PPP2R5E: variants seen among roughly 807,000 people sequenced by gnomAD.
The protein encoded by PPP2R5E is protein phosphatase 2 regulatory subunit B'epsilon, also known as serine/threonine-protein phosphatase 2A 56 kDa regulatory subunit epsilon isoform.
A neutral mutation model predicts 65.3 loss-of-function variants in PPP2R5E; 4 were observed. That is an observed-to-expected ratio of 0.06 (90% CI 0.03 to 0.14). The LOEUF (loss-of-function observed/expected upper bound fraction) is 0.14, where lower values mean the gene tolerates loss of function less well. PPP2R5E is among the 10% of genes least tolerant of loss of function. PPP2R5E has a pLI of 1.00. For synonymous variants in PPP2R5E, 183 were observed against 187.4 expected (o/e 0.98, Z 0.19); for missense variants, 274 against 556.1 (o/e 0.49, Z 5.10).
chr14:63,470,054 C>G (rs1890037478), intron 2 of PPP2R5E, among the ~76,000 whole-genome samples: 1 of 143,592 alleles, frequency 7.0e-6, no homozygotes, highest in Admixed American at 6.7e-5. Context: ...TTTTGTCCTC[C>G]TCATCTCCTA....
intron 3 of PPP2R5E, among the ~76,000 whole-genome samples, chr14:63,423,419 AATGTTT>A (rs1887149139): frequency 6.6e-6 from 1 of 152,008 alleles, no homozygotes; most frequent in Non-Finnish European, 1.5e-5. Context: ...TCTATAGTAA[AATGTTT>A]ATGTTTTAAA....
At chr14:63,401,169 G>A (rs1196574421) in intron 5 of PPP2R5E, among the ~76,000 whole-genome samples, 11 of 152,138 alleles carry the variant, frequency 7.2e-5, no homozygotes, top group African/African-American at 1.9e-4. Flanking sequence ...TAGAGAACAT[G>A]CTTTTGATGA....
At chr14:63,455,560 G>T (rs1441838541) in intron 2 of PPP2R5E, among the ~76,000 whole-genome samples, 1 of 152,022 alleles carries the variant, frequency 6.6e-6, no homozygotes, top group East Asian at 1.9e-4. Context: ...TGCCCCCCTG[G>T]ATTTAATCGG....
chr14:63,468,416 CT>C (rs1221100966), intron 2 of PPP2R5E, among the ~76,000 whole-genome samples: 1 of 152,112 alleles, frequency 6.6e-6, no homozygotes, highest in Non-Finnish European at 1.5e-5. Flanking sequence ...AAAGTTGTAA[CT>C]TGATTAGAGG....
intron 2 of PPP2R5E, among the ~76,000 whole-genome samples, chr14:63,465,656 T>C (rs1889759888): frequency 6.6e-6 from 1 of 152,148 alleles, no homozygotes; most frequent in Admixed American, 6.5e-5. Flanking sequence ...GAAACATTAA[T>C]TTTTTGTTAA....
intron 2 of PPP2R5E, among the ~76,000 whole-genome samples, chr14:63,522,104 T>C (rs1193623712): frequency 2.6e-5 from 4 of 151,902 alleles, no homozygotes; most frequent in African/African-American, 9.7e-5. Context: ...CCGCCACGCC[T>C]GACTGGTTTT....
At chr14:63,490,568 G>A (rs1419651713) in intron 2 of PPP2R5E, among the ~76,000 whole-genome samples, 1 of 151,802 alleles carries the variant, frequency 6.6e-6, no homozygotes, top group Non-Finnish European at 1.5e-5. Context: ...TTAAAAAGCG[G>A]GCAAAGGACA....
At chr14:63,384,296 TC>T (rs2139753885) in intron 12 of PPP2R5E, 147 bp downstream of exon 12, 1 of 901,126 alleles carries the variant, frequency 1.1e-6, no homozygotes, top group African/African-American at 1.7e-5. Context: ...GTTTATTTTC[TC>T]CAGTCAGTGA....
rs138138812 is a variant in PPP2R5E, at chr14:63,444,132, C to G, written c.354+9557G>C. On this transcript the variant is annotated intron_variant, in intron 3 of 13. Transcript: ENST00000337537. ...GACTGGCCCACATCCACATCTTCAG[C>G]TGCCACCATTCACCTCCTCCCACTC... is the stretch of plus-strand genomic sequence containing the variant. Among the ~76,000 whole-genome samples the G allele has an allele frequency of 4.5e-4, 69 of 152,318 alleles. No individual in the cohort carries two copies. In the East Asian group the frequency reaches 7.9e-3, roughly 17 times the overall value.
intron 2 of PPP2R5E, among the ~76,000 whole-genome samples, chr14:63,468,103 G>C (rs1889928730): frequency 6.6e-6 from 1 of 152,176 alleles, no homozygotes; most frequent in Admixed American, 6.5e-5. Context: ...CTAAATTAAT[G>C]TTGTTGTTAA....
chr14:63,379,734 A>G (rs1884203853), intron 13 of PPP2R5E, among the ~76,000 whole-genome samples: 1 of 151,906 alleles, frequency 6.6e-6, no homozygotes, highest in African/African-American at 2.4e-5. Flanking sequence ...TTTAGTTTAG[A>G]TAATAACCAG....
chr14:63,538,852 G>A (rs927405189), intron 2 of PPP2R5E, among the ~76,000 whole-genome samples: 5 of 151,754 alleles, frequency 3.3e-5, no homozygotes, highest in East Asian at 2.0e-4. Flanking sequence ...AGCTGAGGCA[G>A]GAAAATCACT....
chr14:63,520,926 C>A (rs1420848227), intron 2 of PPP2R5E, among the ~76,000 whole-genome samples: 1 of 149,576 alleles, frequency 6.7e-6, no homozygotes, highest in African/African-American at 2.5e-5. Context: ...GTGGTTCCAG[C>A]TGCTTGGGAG....
At chr14:63,480,609 C>G (rs372658780) in intron 2 of PPP2R5E, among the ~76,000 whole-genome samples, 1 of 152,134 alleles carries the variant, frequency 6.6e-6, no homozygotes, top group Non-Finnish European at 1.5e-5. Flanking sequence ...CCATGCCCTG[C>G]TATTTTTTCA....
At chr14:63,494,546 TAAA>T (rs80245799) in intron 2 of PPP2R5E, among the ~76,000 whole-genome samples, 1 of 141,876 alleles carries the variant, frequency 7.0e-6, no homozygotes. Flanking sequence ...TACAGCCATT[TAAA>T]AAAAAAAAAA....
chr14:63,436,651 T>C (rs960302940), intron 3 of PPP2R5E, among the ~76,000 whole-genome samples: 1 of 152,194 alleles, frequency 6.6e-6, no homozygotes, highest in African/African-American at 2.4e-5. Context: ...ATGAATTAAG[T>C]GTGATATGCC....
chr14:63,502,053 C>T (rs1273920217), intron 2 of PPP2R5E, among the ~76,000 whole-genome samples: 1 of 152,084 alleles, frequency 6.6e-6, no homozygotes, highest in African/African-American at 2.4e-5. Flanking sequence ...CACCATCACG[C>T]CCAGCTAATT....
chr14:63,441,247 A>G (rs1888223189), intron 3 of PPP2R5E, among the ~76,000 whole-genome samples: 1 of 152,226 alleles, frequency 6.6e-6, no homozygotes, highest in South Asian at 2.1e-4. Flanking sequence ...TCTAAGGATT[A>G]AGTATATGGC....
chr14:63,449,350 G>A (rs751358479), intron 3 of PPP2R5E, among the ~76,000 whole-genome samples: 14 of 152,152 alleles, frequency 9.2e-5, no homozygotes, highest in Non-Finnish European at 1.8e-4. Context: ...ACCAATGATC[G>A]TAAAATCAAG....
Sources: gnomAD v4.1 joint callset for allele counts (sites outside exome capture counted in the v4.1 genomes callset) on GRCh38, gnomAD v4.1.1 for gene constraint, MANE v1.5 for transcripts, NCBI Gene and HGNC (gene_info 2026-07-23, HGNC 2026-07-21) for gene names.